FBXL5: variants seen among roughly 807,000 people sequenced by gnomAD.
FBXL5 encodes F-box/LRR-repeat protein 5.
FBXL5 carries 26 observed loss-of-function variants against 78.3 expected under a neutral mutation model. The ratio of observed to expected loss-of-function variants is 0.33; its 90% CI spans 0.24 to 0.46. The LOEUF (loss-of-function observed/expected upper bound fraction) is 0.46. Ranked by LOEUF, FBXL5 falls within the 20% of genes least tolerant of loss-of-function variation. The pLI, the probability that FBXL5 is intolerant of heterozygous loss-of-function variation, is 1.00. For missense variants in FBXL5, 710 were observed against 829.2 expected (o/e 0.86, Z 1.77); for synonymous variants, 295 against 282.5 (o/e 1.04, Z -0.45).
chr4:15,627,330 T>G lies in FBXL5; in HGVS notation c.1042-375A>C, dbSNP rs568323291. Among the ~76,000 whole-genome samples, 49 of 152,224 alleles carry G rather than the reference T, an allele frequency of 3.2e-4. 1 individual carries two copies. Among genetic ancestry groups the G allele is most frequent in the Non-Finnish European group, 1.5e-4 (10 of 67,998 alleles). On this transcript the variant is annotated intron_variant, in intron 7 of 10. Transcript: ENST00000341285. ...TTGCATTTTTAGTAGAGATGGGGTT[T>G]CACCATATTGGCCAGGCTGGTCTTG...
upstream of FBXL5, among the ~76,000 whole-genome samples, chr4:15,662,486 C>T (rs1329792747): frequency 1.3e-5 from 2 of 152,140 alleles, no homozygotes; most frequent in Non-Finnish European, 2.9e-5. Flanking sequence ...GCATTCAATA[C>T]TATCTTTTAA....
chr4:15,619,497 G>C (rs1265161783), intron 9 of FBXL5, among the ~76,000 whole-genome samples: 1 of 152,032 alleles, frequency 6.6e-6, no homozygotes, highest in African/African-American at 2.4e-5. Flanking sequence ...AAATAGACAG[G>C]AACTTCTTCA....
At chr4:15,661,902 G>A (rs1717329079), upstream of FBXL5, among the ~76,000 whole-genome samples, 1 of 152,166 alleles carries the variant, frequency 6.6e-6, no homozygotes, top group South Asian at 2.1e-4. Context: ...GCTGTTGAGA[G>A]GCCTCACATC....
upstream of FBXL5, chr4:15,656,247 C>T (rs1001145767): frequency 2.2e-5 from 10 of 456,102 alleles, no homozygotes; most frequent in Non-Finnish European, 4.4e-6. Flanking sequence ...ATGTCTGCCT[C>T]TTTCCCATAA....
chr4:15,648,644 C>T (rs901812769), intron 1 of FBXL5, among the ~76,000 whole-genome samples: 1 of 152,032 alleles, frequency 6.6e-6, no homozygotes, highest in Admixed American at 6.5e-5. Context: ...TATGATCTCA[C>T]TATATATGGA....
chr4:15,644,657 A>G lies in FBXL5; in HGVS notation c.136T>C (p.Ser46Pro). 1 of 1,613,682 alleles carries G rather than the reference A, an allele frequency of 6.2e-7. No homozygotes were observed. Among genetic ancestry groups the G allele is most frequent in the Non-Finnish European group, 8.5e-7 (1 of 1,179,718 alleles). ...NNNDFRALLQ[S>P]LYATFKEFKM... is the part of the protein sequence containing the mutation. ...AACTCCTTGAAAGTAGCATACAAAG[A>G]CTGCAGAAGAGCACGGAAATCGTTG... Residue 46 changes from serine to proline, a missense_variant, in exon 2 of 11, where the codon TCT becomes CCT. This residue lies in a region of FBXL5 where 132 missense variants were observed against 156.9 expected (regional missense o/e 0.84). Coordinates refer to ENST00000341285, the MANE Select transcript of FBXL5 (RefSeq NM_012161.4).
intron 1 of FBXL5, among the ~76,000 whole-genome samples, chr4:15,653,536 T>C (rs369267358): frequency 8.5e-5 from 13 of 152,192 alleles, no homozygotes; most frequent in Middle Eastern, 3.4e-3. Flanking sequence ...ACGCACAAAA[T>C]TTTCCATATA....
intron 9 of FBXL5, among the ~76,000 whole-genome samples, chr4:15,617,097 CAGCAATCCCATTACTAG>C (rs1711968210): frequency 1.3e-5 from 2 of 152,200 alleles, no homozygotes; most frequent in Non-Finnish European, 2.9e-5. Flanking sequence ...CAATTCAACC[CAGCAATCCCATTACTAG>C]GTATATAACC....
At chr4:15,674,029 A>C (rs1455167249) in intron 1 of FBXL5, among the ~76,000 whole-genome samples, 1 of 152,190 alleles carries the variant, frequency 6.6e-6, no homozygotes, top group East Asian at 1.9e-4. Context: ...TCAAACTTTT[A>C]ACCATTACAT....
At chr4:15,633,493 A>G (rs1219004873) in intron 5 of FBXL5, among the ~76,000 whole-genome samples, 2 of 152,238 alleles carry the variant, frequency 1.3e-5, no homozygotes, top group Non-Finnish European at 2.9e-5. Context: ...AAGCAAAGGG[A>G]AAGATTAATG....
At chr4:15,616,931 C>T (rs1023009768) in intron 9 of FBXL5, among the ~76,000 whole-genome samples, 1 of 152,156 alleles carries the variant, frequency 6.6e-6, no homozygotes, top group African/African-American at 2.4e-5. Context: ...TGGCAAGCTG[C>T]CTCTTTCCCA....
intron 8 of FBXL5, among the ~76,000 whole-genome samples, chr4:15,626,548 G>C (rs139492097): frequency 6.6e-6 from 1 of 152,310 alleles, no homozygotes; most frequent in Non-Finnish European, 1.5e-5. Flanking sequence ...ATCTAAGAGG[G>C]AGCTTTGCCA....
Position 15,625,741 on chromosome 4 carries a change from C to G in FBXL5, c.1361G>C (p.Gly454Ala). Residue 454 changes from glycine (G) to alanine (A), a missense_variant, in exon 9 of 11, where the codon GGC (glycine) becomes GCC (alanine). Physicochemically the swap from Gly to Ala is moderately conservative, Grantham distance 60 (BLOSUM62 0). Coordinates refer to ENST00000341285, the MANE Select transcript of FBXL5 (RefSeq NM_012161.4). ...YACLHDLTNK[G>A]IGEEIDNEHP... ...TTCATTATCTATTTCTTCTCCAATG[C>G]CCTTGTTAGTTAAATCGTGCAAACA... is the stretch of plus-strand genomic sequence containing the variant. 1 of 1,614,152 alleles carries G rather than the reference C, an allele frequency of 6.2e-7. No individual in the cohort carries two copies. Among genetic ancestry groups the G allele is most frequent in the Non-Finnish European group, 8.5e-7 (1 of 1,180,010 alleles).
intron 1 of FBXL5, among the ~76,000 whole-genome samples, chr4:15,650,661 CTTTTTTTT>C (rs34334098): frequency 3.9e-5 from 3 of 77,912 alleles, no homozygotes; most frequent in East Asian, 4.1e-4. Context: ...AACTGACTTT[CTTTTTTTT>C]TTTTTTTTTT....
chr4:15,625,601 C>T lies in FBXL5; in HGVS notation c.1501G>A (p.Val501Ile). The T allele has an allele frequency of 2.5e-6, 4 of 1,614,172 alleles. No homozygotes were observed. The highest frequency in any genetic ancestry group is 1.7e-5 in the Admixed American group (1 of 60,024). The change falls in exon 9 of 11, where the codon GTT becomes ATT. Residue 501 changes from valine to isoleucine, a missense_variant. Physicochemically the swap from Val to Ile is conservative, Grantham distance 29 (BLOSUM62 3). Around this residue, in one of 4 missense-constraint regions of FBXL5, gnomAD observed 517 missense variants for 542.9 expected, o/e 0.95. Coordinates refer to ENST00000341285, the MANE Select transcript of FBXL5 (RefSeq NM_012161.4). ...GTTTCCATTACACAAAGACTTTCAA[C>T]ATTTCTATGTCTCCATTCCACAGTA... The part of the protein sequence containing the change: ...EDTVEWRHRN[V>I]ESLCVMETAS...
chr4:15,667,257 G>A (rs527521327), intron 1 of FBXL5, among the ~76,000 whole-genome samples: 1 of 152,246 alleles, frequency 6.6e-6, no homozygotes, highest in South Asian at 2.1e-4. Context: ...GGCAGTCCAT[G>A]AGAAAACATG....
At chr4:15,656,104 G>A, upstream of FBXL5, 1 of 450,476 alleles carries the variant, frequency 2.2e-6, no homozygotes, top group Non-Finnish European at 4.5e-6. Context: ...GCGGGTCAGG[G>A]ATAGGCCCGA....
Position 15,625,719 on chromosome 4 carries a change from A to G in FBXL5, c.1383T>C (p.Asn461=), listed in dbSNP as rs534128048. 1.7e-5 allele frequency: 28 copies of G among 1,614,228 alleles called. No individual in the cohort carries two copies. In the South Asian group the frequency reaches 2.7e-4, roughly 16 times the overall value. The part of the protein sequence containing the change: ...TNKGIGEEID[N]EHPWTKPVSS... ...AAACAGGCTTAGTCCAGGGGTGTTCATTATCTATTTCTTCTCCAATGCCCT... is the reference window on the plus strand; with the variant it reads ...AAACAGGCTTAGTCCAGGGGTGTTCGTTATCTATTTCTTCTCCAATGCCCT... The change falls in exon 9 of 11, where the codon AAT becomes AAC. Residue 461 remains asparagine (N), a synonymous_variant. Coordinates refer to ENST00000341285, the MANE Select transcript of FBXL5 (RefSeq NM_012161.4).
chr4:15,674,914 G>A (rs1301996741), intron 1 of FBXL5, among the ~76,000 whole-genome samples: 7 of 152,166 alleles, frequency 4.6e-5, no homozygotes, highest in Non-Finnish European at 1.0e-4. Context: ...CTCCCAAAGT[G>A]CTGGGATTAC....
Sources: allele counts gnomAD v4.1 joint callset (sites outside exome capture counted in the v4.1 genomes callset), GRCh38; gene constraint gnomAD v4.1.1; regional missense constraint gnomAD v4.1.1; transcripts MANE v1.5; gene names NCBI Gene and HGNC (gene_info 2026-07-23, HGNC 2026-07-21).